The following MMEL1 variants were observed in gnomAD, a reference collection of about 807,000 sequenced individuals.
MMEL1 encodes membrane metalloendopeptidase like 1, also known as membrane metallo-endopeptidase-like 1.
A neutral mutation model predicts 117.1 loss-of-function variants in MMEL1; 98 were observed. The ratio of observed to expected loss-of-function variants is 0.84; its 90% CI spans 0.71 to 0.99. The LOEUF (loss-of-function observed/expected upper bound fraction) is 0.99. Ranked by LOEUF, MMEL1 falls within the 50% of genes least tolerant of loss-of-function variation. The pLI, the probability that MMEL1 is intolerant of heterozygous loss-of-function variation, is 0.00. For synonymous variants in MMEL1, 390 were observed against 415.1 expected (o/e 0.94, Z 0.74); for missense variants, 1,014 against 1,049.1 (o/e 0.97, Z 0.46).
At chr1:2,607,339 C>G (rs1645045794) in intron 6 of MMEL1, among the ~76,000 whole-genome samples, 1 of 152,084 alleles carries the variant, frequency 6.6e-6, no homozygotes, top group Admixed American at 6.5e-5. Flanking sequence ...CACATGAGCC[C>G]CGGGGGACAA....
At chr1:2,591,288 C>T (rs1644696406) in intron 23 of MMEL1, 199 bp from the exon 24 acceptor site, 1 of 596,296 alleles carries the variant, frequency 1.7e-6, no homozygotes, top group Admixed American at 3.0e-5. Context: ...CCCCTCCAGC[C>T]AGAGATATTC....
In MMEL1 at chr1:2,632,984, G is replaced by C; in HGVS notation, c.-156C>G. The stretch of plus-strand genomic sequence containing the variant: ...TGGATTTCCAGGGACTGGGATGGGA[G>C]AGCAGTGGCTTGGGGCTGAGTTGAG... On this transcript the variant is annotated 5_prime_UTR_variant, in exon 1 of 24. Coordinates refer to ENST00000378412, the MANE Select transcript of MMEL1 (RefSeq NM_033467.4). 9 of 986,040 alleles carry C rather than the reference G, an allele frequency of 9.1e-6. No individual in the cohort carries two copies. The highest frequency in any genetic ancestry group is 1.1e-5 in the Non-Finnish European group (9 of 830,354). 61.1% of individuals were successfully genotyped at this position (986,040 alleles called of 1,614,324 possible).
intron 2 of MMEL1, among the ~76,000 whole-genome samples, chr1:2,628,721 G>A (rs965898040): frequency 3.3e-5 from 5 of 151,132 alleles, no homozygotes; most frequent in Non-Finnish European, 7.4e-5. Flanking sequence ...GGGGCGGGGG[G>A]AGTGTTCCCG....
chr1:2,598,833 G>GAC, intron 11 of MMEL1, 43 bp from the exon 12 acceptor site: 1 of 1,520,800 alleles, frequency 6.6e-7, no homozygotes, highest in Non-Finnish European at 9.0e-7. Flanking sequence ...GAGAGAGAGA[G>GAC]GGAGAAACAG....
intron 13 of MMEL1, among the ~76,000 whole-genome samples, chr1:2,597,761 C>T (rs1644866659): frequency 6.6e-6 from 1 of 152,206 alleles, no homozygotes; most frequent in Non-Finnish European, 1.5e-5. Flanking sequence ...ACAGGGAGTA[C>T]AATCCAAACC....
intron 12 of MMEL1, 134 bp downstream of exon 12, chr1:2,598,520 A>G (rs1644882409): frequency 7.0e-7 from 1 of 1,427,704 alleles, no homozygotes; most frequent in Non-Finnish European, 9.5e-7. Flanking sequence ...ACTAAAGCTT[A>G]ACCCCTCATG....
chr1:2,613,298 C>A (rs908126552), intron 2 of MMEL1, among the ~76,000 whole-genome samples: 2 of 152,180 alleles, frequency 1.3e-5, no homozygotes, highest in African/African-American at 4.8e-5. Context: ...GTGGTGAGTG[C>A]GAGCGGAAGG....
At chr1:2,602,695 C>G (rs1001462695) in intron 11 of MMEL1, among the ~76,000 whole-genome samples, 7 of 152,200 alleles carry the variant, frequency 4.6e-5, no homozygotes, top group Non-Finnish European at 5.9e-5. Context: ...AGGTCGGACA[C>G]GGCATCCCCC....
chr1:2,615,993 A>G (rs576512144), intron 2 of MMEL1, among the ~76,000 whole-genome samples: 212 of 152,312 alleles, frequency 1.4e-3, no homozygotes, highest in Non-Finnish European at 2.7e-3. Flanking sequence ...ACTGTGGAGG[A>G]CTAAAGATAA....
chr1:2,592,113 C>A, intron 21 of MMEL1, 86 bp from the exon 22 acceptor site: 1 of 1,125,884 alleles, frequency 8.9e-7, no homozygotes, highest in Non-Finnish European at 1.3e-6. Flanking sequence ...AGAGGTCTGG[C>A]TCCAGGACCT....
chr1:2,606,247 C>T lies in MMEL1; in HGVS notation c.750+1G>A, dbSNP rs201133402. 1.5e-5 allele frequency: 24 copies of T among 1,612,370 alleles called. No individual in the cohort carries two copies. The highest frequency in any genetic ancestry group is 3.3e-5 in the South Asian group (3 of 91,072). On this transcript the variant is annotated splice_donor_variant, in intron 8 of 23. Transcript: ENST00000378412. LOFTEE classifies it high-confidence loss of function. ...CCCCTGCCCACCGGCGCGGCTCGTA[C>T]GTAGATGATGTGCCGGCTGGAGTTC...
At chr1:2,611,684 G>A (rs1474983479) in intron 3 of MMEL1, among the ~76,000 whole-genome samples, 3 of 152,140 alleles carry the variant, frequency 2.0e-5, no homozygotes, top group Non-Finnish European at 4.4e-5. Context: ...GCAGGGACCT[G>A]GGAGCCCCTT....
In MMEL1 at chr1:2,603,891, C is replaced by T. The variant is rs1287020426; in HGVS notation, c.1034G>A (p.Gly345Asp). ...TGTGTGGTGTGGCCTCACCTTCAGGCCAAACTGGCTTTGCAGCTCCTCCAG... is the reference window on the plus strand; with the variant it reads ...TGTGTGGTGTGGCCTCACCTTCAGGTCAAACTGGCTTTGCAGCTCCTCCAG... Reference protein sequence around the residue: ...MGLEELQSQFGLKGFNWTLFI... With the variant: ...MGLEELQSQFDLKGFNWTLFI... Residue 345 changes from glycine to aspartate, a missense_variant, in exon 11 of 24, where the codon GGC becomes GAC. Coordinates refer to ENST00000378412, the MANE Select transcript of MMEL1 (RefSeq NM_033467.4). The T allele has an allele frequency of 1.2e-6, 2 of 1,613,694 alleles. No homozygotes were observed. The highest frequency in any genetic ancestry group is 1.1e-5 in the South Asian group (1 of 91,084).
intron 1 of MMEL1, chr1:2,630,297 T>C (rs900896408): frequency 6.6e-6 from 1 of 152,476 alleles, no homozygotes; most frequent in Non-Finnish European, 1.5e-5. Context: ...AACCTGAGTG[T>C]ACACATGTGT....
At chr1:2,615,334 C>T (rs1645185516) in intron 2 of MMEL1, among the ~76,000 whole-genome samples, 1 of 152,192 alleles carries the variant, frequency 6.6e-6, no homozygotes, top group Non-Finnish European at 1.5e-5. Context: ...GCACCTGTGA[C>T]CTGCGGCCTT....
chr1:2,608,432 CACATCCACAT>C (rs1453431297), intron 6 of MMEL1, among the ~76,000 whole-genome samples: 5 of 152,120 alleles, frequency 3.3e-5, no homozygotes, highest in Non-Finnish European at 7.4e-5. Flanking sequence ...ACCACACACA[CACATCCACAT>C]ACATCCACAT....
At chr1:2,627,690 A>T (rs1215549636) in intron 2 of MMEL1, among the ~76,000 whole-genome samples, 1 of 152,268 alleles carries the variant, frequency 6.6e-6, no homozygotes, top group Non-Finnish European at 1.5e-5. Context: ...TTTCTAAATG[A>T]CTTATAAGTC....
chr1:2,608,974 CAT>C (rs1039013590), intron 6 of MMEL1, among the ~76,000 whole-genome samples: 64 of 152,142 alleles, frequency 4.2e-4, no homozygotes, highest in African/African-American at 1.5e-3. Context: ...ACAACACACA[CAT>C]ATGCATATAA....
In MMEL1 at chr1:2,618,322, T is replaced by C. The variant is rs537429226; in HGVS notation, c.155-6118A>G. On this transcript the variant is annotated intron_variant, in intron 2 of 23. Transcript: ENST00000378412. ...ACAGGCTCCCCTTTACCTTCCACCA[T>C]GAATGGAACAGTCTGAAGTAGATGG... Among the ~76,000 whole-genome samples, 653 of 152,270 alleles carry C rather than the reference T, an allele frequency of 4.3e-3. 4 individuals are homozygous for C. The highest frequency in any genetic ancestry group is 7.5e-3 in the Non-Finnish European group (512 of 68,016).
Sources: gnomAD v4.1 joint callset for allele counts (sites outside exome capture counted in the v4.1 genomes callset) on GRCh38, gnomAD v4.1.1 for gene constraint, MANE v1.5 for transcripts, NCBI Gene and HGNC (gene_info 2026-07-23, HGNC 2026-07-21) for gene names.